The following LRP1 variants were observed in gnomAD, a reference collection of about 807,000 sequenced individuals.
LRP1 encodes the protein prolow-density lipoprotein receptor-related protein 1.
In LRP1, 51 loss-of-function variants were observed where a neutral mutation model predicts 541.5. The ratio of observed to expected loss-of-function variants is 0.09; its 90% CI spans 0.08 to 0.12. The LOEUF (loss-of-function observed/expected upper bound fraction) is 0.12. Ranked by LOEUF, LRP1 falls within the 10% of genes least tolerant of loss-of-function variation. LRP1 has a pLI of 1.00. For missense variants in LRP1, 3,878 were observed against 6,376.2 expected (o/e 0.61, Z 13.34); for synonymous variants, 2,219 against 2,470.8 (o/e 0.90, Z 3.02).
At position 57,166,238 on chromosome 12, in the gene LRP1, G is replaced by T; in HGVS notation, c.2797+29G>T. ...TGGAGCGGGGCTCAGATCACACGAG[G>T]CACCCCTCAGTCAAGGAGGCAGGGG... is the stretch of plus-strand genomic sequence containing the variant. On this transcript the variant is annotated intron_variant, in intron 17 of 88. Coordinates refer to ENST00000243077, the MANE Select transcript of LRP1 (RefSeq NM_002332.3). The T allele has an allele frequency of 3.8e-6, 6 of 1,571,514 alleles. No individual in the cohort carries two copies. The South Asian group carries it at 5.8e-5, about 15-fold the overall frequency.
chr12:57,136,151 C>T (rs1424447116), intron 1 of LRP1, among the ~76,000 whole-genome samples: 1 of 152,230 alleles, frequency 6.6e-6, no homozygotes, highest in Non-Finnish European at 1.5e-5. Context: ...GAAGACCTCA[C>T]AGCTGGCCCA....
At chr12:57,148,831 A>G (rs1027001235) in intron 6 of LRP1, 5 of 474,056 alleles carry the variant, frequency 1.1e-5, no homozygotes, top group Non-Finnish European at 1.9e-5. Context: ...TCCCTGCACC[A>G]TGCTGCATGG....
intron 1 of LRP1, among the ~76,000 whole-genome samples, chr12:57,133,733 G>A (rs983778751): frequency 3.3e-5 from 5 of 151,258 alleles, no homozygotes; most frequent in African/African-American, 1.2e-4. Context: ...TCAGAGGGGA[G>A]CCTATCTCTC....
intron 4 of LRP1, 26 bp from the exon 5 acceptor site, chr12:57,144,946 C>T: frequency 6.2e-7 from 1 of 1,609,922 alleles, no homozygotes; most frequent in Non-Finnish European, 8.5e-7. Context: ...CTGGAAATGA[C>T]CACATTCTTG....
intron 34 of LRP1, among the ~76,000 whole-genome samples, chr12:57,182,260 C>G (rs546060239): frequency 1.6e-4 from 25 of 152,304 alleles, no homozygotes; most frequent in African/African-American, 6.0e-4. Context: ...CCTGTAATCC[C>G]AGCACTTTGG....
At chr12:57,150,698 G>A (rs943480574) in intron 6 of LRP1, among the ~76,000 whole-genome samples, 4 of 152,334 alleles carry the variant, frequency 2.6e-5, no homozygotes, top group Admixed American at 1.3e-4. Context: ...GGTGGGAACC[G>A]CAGCCCCCAT....
In LRP1 at chr12:57,206,878, G is replaced by A. The variant is rs2036791540; in HGVS notation, c.11859+137G>A. ...TCCCAGCACTTTGGGAGGCCAAGGCGGGCAGATCACCTGAGATCAGGAGTT... is the reference window on the plus strand; with the variant it reads ...TCCCAGCACTTTGGGAGGCCAAGGCAGGCAGATCACCTGAGATCAGGAGTT... On this transcript the variant is annotated intron_variant, in intron 76 of 88. Transcript: ENST00000243077. This position sits in a 1 kb window ranked among gnomAD's most constrained non-coding sequence, Gnocchi z 4.7. 6 of 956,674 alleles carry A rather than the reference G, an allele frequency of 6.3e-6. No homozygotes were observed. Among genetic ancestry groups the A allele is most frequent in the African/African-American group, 3.3e-5 (2 of 61,238 alleles). The allele number at this position is 956,674 out of a possible 1,614,324, so 59.3% of individuals were successfully genotyped here. A position where few individuals can be genotyped will look rare whatever the true frequency, so the allele number is the denominator to read the frequency against.
intron 1 of LRP1, among the ~76,000 whole-genome samples, chr12:57,135,932 C>G (rs886334409): frequency 6.6e-6 from 1 of 152,112 alleles, no homozygotes; most frequent in Non-Finnish European, 1.5e-5. Flanking sequence ...GACCTCAGGC[C>G]GTGGCTGTGC....
In LRP1 at chr12:57,205,087, C is replaced by T; in HGVS notation, c.11195-22C>T. 1 of 1,605,806 alleles carries T rather than the reference C, an allele frequency of 6.2e-7. No homozygotes were observed. The highest frequency in any genetic ancestry group is 8.5e-7 in the Non-Finnish European group (1 of 1,175,122). On this transcript the variant is annotated intron_variant, in intron 72 of 88. Transcript: ENST00000243077. The surrounding 1 kb of genome is among the most constrained non-coding windows in gnomAD (Gnocchi z 4.6). ...GGAGGCAGGGGAGAATACCCAGGGC[C>T]TAAAGCCTCTGCCCTCCTCAGAGCC...
chr12:57,194,337 A>T lies in LRP1; in HGVS notation c.7919-17A>T. 16 of 1,507,362 alleles carry T rather than the reference A, an allele frequency of 1.1e-5. No individual in the cohort carries two copies. The highest frequency in any genetic ancestry group is 1.4e-5 in the Non-Finnish European group (16 of 1,129,104). 93.4% of individuals were successfully genotyped at this position (1,507,362 alleles called of 1,614,324 possible). ...CCAGGGGGAACCAGGTATCACCCTC[A>T]CCCCTGCCCCCACCAGGTGCCACCG... is the stretch of plus-strand genomic sequence containing the variant. On this transcript the variant is annotated splice_polypyrimidine_tract_variant and intron_variant, in intron 48 of 88. Transcript: ENST00000243077.
intron 6 of LRP1, chr12:57,149,443 G>T: frequency 1.7e-6 from 1 of 582,080 alleles, no homozygotes; most frequent in Admixed American, 3.0e-5. Context: ...CCTTGAAATT[G>T]CCTCTCCACC....
chr12:57,201,513 C>T lies in LRP1; in HGVS notation c.10362C>T (p.Ala3454=), dbSNP rs1177334379. ...DERDCPEVTC[A]PNQFQCSITK... Reference sequence around the variant, plus strand: ...ACCCCACAGCCGAGGTGACCTGCGCCCCCAACCAGTTCCAGTGCTCCATTA... The same window carrying T: ...ACCCCACAGCCGAGGTGACCTGCGCTCCCAACCAGTTCCAGTGCTCCATTA... Residue 3454 remains alanine, a synonymous_variant, in exon 66 of 89, where the codon GCC becomes GCT. Transcript: ENST00000243077. This position sits in a 1 kb window ranked among gnomAD's most constrained non-coding sequence, Gnocchi z 6.4. 50 of 1,613,448 alleles carry T rather than the reference C, an allele frequency of 3.1e-5. No homozygotes were observed. Among genetic ancestry groups the T allele is most frequent in the Non-Finnish European group, 4.1e-5 (48 of 1,179,750 alleles).
chr12:57,182,375 G>A lies in LRP1; in HGVS notation c.5663-1004G>A, dbSNP rs1212021078. ...AAACCACAAAAATTAGCTGGGCGTGGTGGTGGGCACCTGTAATCCCAGCTA... is the reference window on the plus strand; with the variant it reads ...AAACCACAAAAATTAGCTGGGCGTGATGGTGGGCACCTGTAATCCCAGCTA... On this transcript the variant is annotated intron_variant, in intron 34 of 88. Coordinates refer to ENST00000243077, the MANE Select transcript of LRP1 (RefSeq NM_002332.3). Among the ~76,000 whole-genome samples the A allele has an allele frequency of 3.9e-5, 6 of 152,240 alleles. No homozygotes were observed. The East Asian group carries it at 7.7e-4, about 20-fold the overall frequency.
Position 57,162,766 on chromosome 12 carries a change from C to T in LRP1, c.2405-92C>T. 2 of 1,387,158 alleles carry T rather than the reference C, an allele frequency of 1.4e-6. No individual in the cohort carries two copies. Among genetic ancestry groups the T allele is most frequent in the Non-Finnish European group, 9.8e-7 (1 of 1,019,148 alleles). 85.9% of individuals were successfully genotyped at this position (1,387,158 alleles called of 1,614,324 possible). A position where few individuals can be genotyped will look rare whatever the true frequency, so the allele number is the denominator to read the frequency against. On this transcript the variant is annotated intron_variant, in intron 14 of 88. Transcript: ENST00000243077. This position sits in a 1 kb window ranked among gnomAD's most constrained non-coding sequence, Gnocchi z 5.2. Reference sequence around the variant, plus strand: ...CCTCTCCATATTTCCTCTTTCTGTCCCCACATCTTAATGTGTCTCCTCCCC... The same window carrying T: ...CCTCTCCATATTTCCTCTTTCTGTCTCCACATCTTAATGTGTCTCCTCCCC...
At position 57,156,703 on chromosome 12, in the gene LRP1, AG is replaced by A; in HGVS notation, c.1418-73del. The stretch of plus-strand genomic sequence containing the variant: ...GACCACAGCAGCAGGGGGTGTGGTC[AG>A]ATTCAGGAAGCCTTCTCAAGGCCTG... On this transcript the variant is annotated intron_variant, in intron 9 of 88. Transcript: ENST00000243077. The surrounding 1 kb of genome is among the most constrained non-coding windows in gnomAD (Gnocchi z 5.2). The A allele has an allele frequency of 6.8e-7, 1 of 1,477,644 alleles. No individual in the cohort carries two copies. 91.5% of individuals were successfully genotyped at this position (1,477,644 alleles called of 1,614,324 possible).
Position 57,200,826 on chromosome 12 carries a change from G to GTGCC in LRP1, c.10225+11_10225+12insTGCC. The GTGCC allele has an allele frequency of 1.3e-6, 2 of 1,581,436 alleles. No individual in the cohort carries two copies. The highest frequency in any genetic ancestry group is 1.1e-5 in the South Asian group (1 of 89,998). On this transcript the variant is annotated intron_variant, in intron 64 of 88. Transcript: ENST00000243077. ...ACGAGGCCAACTGTGGTAAGGCGCT[G>GTGCC]CCCGCCCACCCTCCCTCCTTCCCCA...
chr12:57,148,841 G>A, intron 6 of LRP1: 2 of 477,806 alleles, frequency 4.2e-6, no homozygotes, highest in Non-Finnish European at 7.4e-6. Context: ...ATGCTGCATG[G>A]GGAAGAAGGA....
At position 57,154,515 on chromosome 12, in the gene LRP1, G is replaced by A. The variant is rs1325972619; in HGVS notation, c.1041G>A (p.Lys347=). The A allele has an allele frequency of 6.2e-7, 1 of 1,614,224 alleles. No homozygotes were observed. The highest frequency in any genetic ancestry group is 8.5e-7 in the Non-Finnish European group (1 of 1,180,030). Residue 347 remains lysine, a synonymous_variant, in exon 8 of 89, where the codon AAG becomes AAA. Transcript: ENST00000243077. This position sits in a 1 kb window ranked among gnomAD's most constrained non-coding sequence, Gnocchi z 4.6. ...VFFTDYGQIP[K]VERCDMDGQN... The stretch of plus-strand genomic sequence containing the variant: ...TCACTGACTATGGGCAGATCCCAAA[G>A]GTGGAACGCTGTGACATGGATGGGC...
rs762013457 is a variant in LRP1 at position 57,212,327 on chromosome 12, G to A, written c.13494+66G>A. ...TGGGTGGCCTAACCAAAGGTGTTGG[G>A]TTAGGTGAGGGACGGAGGTGGGGGT... On this transcript the variant is annotated intron_variant, in intron 88 of 88. Coordinates refer to ENST00000243077, the MANE Select transcript of LRP1 (RefSeq NM_002332.3). This position sits in a 1 kb window ranked among gnomAD's most constrained non-coding sequence, Gnocchi z 5.0. 42 of 1,606,984 alleles carry A rather than the reference G, an allele frequency of 2.6e-5. No individual in the cohort carries two copies. The highest frequency in any genetic ancestry group is 3.6e-5 in the Non-Finnish European group (42 of 1,173,978).
Sources: gnomAD v4.1 joint callset for allele counts (sites outside exome capture counted in the v4.1 genomes callset) on GRCh38, gnomAD v4.1.1 for gene constraint, Gnocchi (gnomAD v3.1) non-coding constraint, MANE v1.5 for transcripts, NCBI Gene and HGNC (gene_info 2026-07-23, HGNC 2026-07-21) for gene names.